The following SYK variants were observed in gnomAD, a reference collection of about 807,000 sequenced individuals.
The protein encoded by SYK is spleen associated tyrosine kinase.
Under a neutral mutation model 77.8 loss-of-function variants are expected in SYK, and 16 were observed. The ratio of observed to expected loss-of-function variants is 0.21; its 90% CI spans 0.14 to 0.31. The LOEUF (loss-of-function observed/expected upper bound fraction) is 0.31. Among genes scored for constraint, SYK ranks in the 10% least tolerant of loss-of-function variants. The pLI is 1.00. For synonymous variants in SYK, 312 were observed against 308.7 expected, an observed-to-expected ratio of 1.01 and a Z score of -0.11; for missense variants, 529 against 814.4, an observed-to-expected ratio of 0.65 and a Z score of 4.26.
intron 4 of SYK, 122 bp from the exon 5 acceptor site, chr9:90,864,466 TA>T: frequency 1.3e-6 from 1 of 796,890 alleles, no homozygotes; most frequent in Non-Finnish European, 2.0e-6. Context: ...CTTAAGCACA[TA>T]AAAGCATTTA....
At chr9:90,824,739 A>T (rs1168988634) in intron 1 of SYK, among the ~76,000 whole-genome samples, 2 of 149,538 alleles carry the variant, frequency 1.3e-5, no homozygotes, top group African/African-American at 5.1e-5. Flanking sequence ...GATAAAGAGC[A>T]TTAAAAAAAA....
At chr9:90,874,514 C>T (rs1482601953) in intron 8 of SYK, among the ~76,000 whole-genome samples, 158 bp from the exon 9 acceptor site, 6 of 152,184 alleles carry the variant, frequency 3.9e-5, no homozygotes, top group Non-Finnish European at 5.9e-5. Flanking sequence ...CCTCACCCAA[C>T]GACGTTGGAA....
intron 1 of SYK, among the ~76,000 whole-genome samples, chr9:90,837,085 C>A (rs1031818426): frequency 6.6e-6 from 1 of 151,920 alleles, no homozygotes; most frequent in Non-Finnish European, 1.5e-5. Context: ...TATAGGTAAG[C>A]CTTCTGGTCA....
chr9:90,859,930 T>A (rs1827188043), intron 3 of SYK, among the ~76,000 whole-genome samples: 1 of 152,352 alleles, frequency 6.6e-6, no homozygotes, highest in East Asian at 1.9e-4. Context: ...TAGGGTAAGA[T>A]GGAGTACAGC....
intron 1 of SYK, among the ~76,000 whole-genome samples, chr9:90,840,685 A>G (rs10993706): frequency 0.068 from 10,343 of 152,272 alleles, 382 homozygotes; most frequent in Middle Eastern, 0.088. Flanking sequence ...TAGACTCAAA[A>G]GTAAATGTAG....
At chr9:90,820,861 C>G (rs1335397500) in intron 1 of SYK, among the ~76,000 whole-genome samples, 1 of 145,710 alleles carries the variant, frequency 6.9e-6, no homozygotes, top group African/African-American at 2.5e-5. Context: ...CTTTTATGCT[C>G]TTTTTTTTTT....
intron 13 of SYK, among the ~76,000 whole-genome samples, chr9:90,893,230 G>T (rs2119001408): frequency 6.6e-6 from 1 of 152,342 alleles, no homozygotes; most frequent in Non-Finnish European, 1.5e-5. Context: ...GGGCACAGGG[G>T]CCTGGAGGAT....
intron 3 of SYK, among the ~76,000 whole-genome samples, chr9:90,858,142 G>T (rs553156863): frequency 1.2e-3 from 178 of 152,314 alleles, no homozygotes; most frequent in Non-Finnish European, 2.0e-3. Context: ...CTAGGAGGGT[G>T]CAGGAGAGTA....
In SYK at chr9:90,897,913, G is replaced by A; in HGVS notation, c.*2313G>A. On this transcript the variant is annotated 3_prime_UTR_variant, in exon 14 of 14. Coordinates refer to ENST00000375754, the MANE Select transcript of SYK (RefSeq NM_003177.7). Reference sequence around the variant, plus strand: ...CTTTCCCCTGTAGCCACCAAGGAGGGCAAATAGAGAAAGGTAACCTAATTG... The same window carrying A: ...CTTTCCCCTGTAGCCACCAAGGAGGACAAATAGAGAAAGGTAACCTAATTG... The A allele has an allele frequency of 4.4e-6, 1 of 226,620 alleles. No homozygotes were observed. The highest frequency in any genetic ancestry group is 8.8e-6 in the Non-Finnish European group (1 of 113,880). The allele number at this position is 226,620 out of a possible 1,614,324, so 14.0% of individuals were successfully genotyped here.
intron 1 of SYK, among the ~76,000 whole-genome samples, chr9:90,826,508 T>C (rs1478453916): frequency 6.6e-6 from 1 of 152,250 alleles, no homozygotes; most frequent in Admixed American, 6.5e-5. Flanking sequence ...TTTCACAAGT[T>C]TGGGGTGCAG....
intron 9 of SYK, among the ~76,000 whole-genome samples, chr9:90,875,922 A>C (rs111873846): frequency 0.012 from 1,890 of 152,230 alleles, 39 homozygotes; most frequent in African/African-American, 0.042. Flanking sequence ...TTTTTGTAAA[A>C]AAAAAATTCG....
At chr9:90,845,328 G>T in intron 2 of SYK, 106 bp from the exon 3 acceptor site, 1 of 1,220,054 alleles carries the variant, frequency 8.2e-7, no homozygotes, top group Non-Finnish European at 1.1e-6. Context: ...AATAAGTTTT[G>T]ATCCTGTTTT....
At chr9:90,893,800 C>G (rs1473541166) in intron 13 of SYK, among the ~76,000 whole-genome samples, 1 of 152,138 alleles carries the variant, frequency 6.6e-6, no homozygotes, top group Non-Finnish European at 1.5e-5. Flanking sequence ...GGCTAAGAAG[C>G]AAGGTTGAGT....
At chr9:90,816,482 G>A (rs971499630) in intron 1 of SYK, among the ~76,000 whole-genome samples, 4 of 152,134 alleles carry the variant, frequency 2.6e-5, no homozygotes, top group African/African-American at 7.2e-5. Flanking sequence ...CTTCTGGCTC[G>A]TTGTGTTTCC....
chr9:90,849,008 G>A (rs1826710602), intron 3 of SYK, among the ~76,000 whole-genome samples: 1 of 152,212 alleles, frequency 6.6e-6, no homozygotes, highest in South Asian at 2.1e-4. Context: ...CTGGGGAGCA[G>A]GGCACCCACA....
chr9:90,844,392 A>C (rs943951250), intron 2 of SYK, 77 bp downstream of exon 2: 1 of 1,416,496 alleles, frequency 7.1e-7, no homozygotes, highest in Admixed American at 2.8e-5. Flanking sequence ...TACATGCAAC[A>C]CATGTGCCTA....
At chr9:90,873,901 G>A (rs1827829322) in intron 7 of SYK, among the ~76,000 whole-genome samples, 1 of 152,196 alleles carries the variant, frequency 6.6e-6, no homozygotes, top group South Asian at 2.1e-4. Flanking sequence ...GGATGTGCAA[G>A]GGGGTGAGTG....
intron 3 of SYK, among the ~76,000 whole-genome samples, chr9:90,850,677 C>T (rs10993713): frequency 0.17 from 26,419 of 151,586 alleles, 2,603 homozygotes; most frequent in Admixed American, 0.26. Context: ...ATCGTGAGTA[C>T]CAATATGCTG....
chr9:90,812,119 G>GT (rs143486953), intron 1 of SYK, among the ~76,000 whole-genome samples: 117,872 of 151,516 alleles, frequency 0.78, 46,265 homozygotes, highest in East Asian at 0.99. Context: ...AAGAACAGCA[G>GT]CTTTGGGGGG....
Sources: gnomAD v4.1 joint callset for allele counts (sites outside exome capture counted in the v4.1 genomes callset) on GRCh38, gnomAD v4.1.1 for gene constraint, MANE v1.5 for transcripts, NCBI Gene and HGNC (gene_info 2026-07-23, HGNC 2026-07-21) for gene names.